ATP2B2: variants seen among roughly 807,000 people sequenced by gnomAD.
ATP2B2 encodes ATPase plasma membrane Ca2+ transporting 2.
ATP2B2 carries 15 observed loss-of-function variants against 120.0 expected under a neutral mutation model. That is an observed-to-expected ratio of 0.12 (90% CI 0.08 to 0.19). The LOEUF (loss-of-function observed/expected upper bound fraction) is 0.19, where lower values mean the gene tolerates loss of function less well. Among genes scored for constraint, ATP2B2 ranks in the 10% least tolerant of loss-of-function variants. The pLI, the probability that ATP2B2 is intolerant of heterozygous loss-of-function variation, is 1.00. For missense variants in ATP2B2, 1,045 were observed against 1,719.8 expected, an observed-to-expected ratio of 0.61 and a Z score of 6.94; for synonymous variants, 694 against 700.3, an observed-to-expected ratio of 0.99 and a Z score of 0.14.
At chr3:10,405,445 T>C (rs944874349) in intron 3 of ATP2B2, among the ~76,000 whole-genome samples, 3 of 152,112 alleles carry the variant, frequency 2.0e-5, no homozygotes, top group African/African-American at 7.2e-5. Flanking sequence ...GGAGTGCAGA[T>C]CGCTGGGGTA....
chr3:10,683,729 T>A (rs1000793960), intron 1 of ATP2B2, among the ~76,000 whole-genome samples: 1 of 136,738 alleles, frequency 7.3e-6, no homozygotes, highest in Non-Finnish European at 1.6e-5. Flanking sequence ...TGTGTGTGTG[T>A]ATATATATGT....
intron 3 of ATP2B2, among the ~76,000 whole-genome samples, chr3:10,517,869 TC>T (rs2066907082): frequency 6.6e-6 from 1 of 152,314 alleles, no homozygotes; most frequent in African/African-American, 2.4e-5. Flanking sequence ...GAGCTTGCTT[TC>T]CCTGTCGTTG....
At chr3:10,416,802 C>A (rs1040534152) in intron 2 of ATP2B2, among the ~76,000 whole-genome samples, 2 of 150,854 alleles carry the variant, frequency 1.3e-5, no homozygotes, top group South Asian at 4.2e-4. Flanking sequence ...ACTTTAATGT[C>A]GAAAATGCAA....
At chr3:10,621,985 TCTGA>T (rs886317796) in intron 1 of ATP2B2, among the ~76,000 whole-genome samples, 4 of 152,248 alleles carry the variant, frequency 2.6e-5, no homozygotes, top group African/African-American at 9.6e-5. Flanking sequence ...TGAGACACCC[TCTGA>T]CTGTTTTGCT....
Position 10,472,192 on chromosome 3 carries a change from G to A in ATP2B2, c.-319-22330C>T, listed in dbSNP as rs146361682. ...GAACTGAAGCCAAGACACAGAGACC[G>A]AAGCAGGAAGATGGGAGCCGGGAGG... is the stretch of plus-strand genomic sequence containing the variant. On this transcript the variant is annotated intron_variant, in intron 1 of 22. Transcript: ENST00000360273. 7.2e-5 allele frequency among the ~76,000 whole-genome samples: 11 copies of A among 152,252 alleles called. No homozygotes were observed. In the East Asian group the frequency reaches 1.7e-3, roughly 24 times the overall value.
intron 2 of ATP2B2, among the ~76,000 whole-genome samples, chr3:10,614,559 T>C (rs1481820197): frequency 1.3e-5 from 2 of 152,164 alleles, no homozygotes; most frequent in African/African-American, 4.8e-5. Context: ...ATACATTGAA[T>C]TGCAGTCTCG....
At chr3:10,508,369 C>T (rs976503028), upstream of ATP2B2, among the ~76,000 whole-genome samples, 2 of 152,198 alleles carry the variant, frequency 1.3e-5, no homozygotes, top group Non-Finnish European at 2.9e-5. Context: ...CTCTGTTCTA[C>T]CTCTGACCAC....
At chr3:10,510,899 C>G (rs983694337) in intron 3 of ATP2B2, among the ~76,000 whole-genome samples, 1 of 152,164 alleles carries the variant, frequency 6.6e-6, no homozygotes. Context: ...ACTGTCCTCC[C>G]CCCTCCTCCC....
At chr3:10,523,596 C>T (rs1257238003) in intron 3 of ATP2B2, among the ~76,000 whole-genome samples, 2 of 152,202 alleles carry the variant, frequency 1.3e-5, no homozygotes, top group Non-Finnish European at 2.9e-5. Context: ...TTATATGCAG[C>T]AGCACCTCTG....
intron 2 of ATP2B2, among the ~76,000 whole-genome samples, chr3:10,429,939 A>G (rs1396232407): frequency 6.6e-6 from 1 of 152,246 alleles, no homozygotes; most frequent in Admixed American, 6.5e-5. Flanking sequence ...CTTAAGCCAA[A>G]GCCTAATCCA....
intron 1 of ATP2B2, among the ~76,000 whole-genome samples, chr3:10,670,709 C>T (rs534345542): frequency 6.6e-5 from 10 of 152,316 alleles, no homozygotes; most frequent in African/African-American, 2.4e-4. Flanking sequence ...GTGTGAGCCA[C>T]GGGGCCCGGC....
upstream of ATP2B2, among the ~76,000 whole-genome samples, chr3:10,507,448 G>C (rs2066666102): frequency 6.6e-6 from 1 of 152,098 alleles, no homozygotes; most frequent in Non-Finnish European, 1.5e-5. Context: ...CCTTCCCCAA[G>C]GCCCACAGGC....
rs769291709 is a variant in ATP2B2, at chr3:10,635,240, T to A, written c.-459-15279A>T. ...TCCATGGCATCTCTCAATTTGGGGA[T>A]GTTGGCAACTAATTCCAGTTTAAAA... On this transcript the variant is annotated intron_variant, in intron 1 of 21. Transcript: ENST00000646379. The surrounding 1 kb of genome is among the most constrained non-coding windows in gnomAD (Gnocchi z 4.3). 6.6e-6 allele frequency among the ~76,000 whole-genome samples: 1 copy of A among 152,196 alleles called. No homozygotes were observed. Among genetic ancestry groups the A allele is most frequent in the African/African-American group, 2.4e-5 (1 of 41,454 alleles).
intron 1 of ATP2B2, among the ~76,000 whole-genome samples, chr3:10,669,005 T>TG: frequency 6.6e-6 from 1 of 152,130 alleles, no homozygotes; most frequent in African/African-American, 2.4e-5. Context: ...GGCTTGCAAA[T>TG]GGTAGAACAA....
chr3:10,341,603 A>G (rs372896658), intron 19 of ATP2B2, among the ~76,000 whole-genome samples: 2 of 152,116 alleles, frequency 1.3e-5, no homozygotes, highest in African/African-American at 2.4e-5. Context: ...GAGCCACTGC[A>G]CCTGGCCAAG....
At chr3:10,364,616 C>A (rs768423590) in intron 12 of ATP2B2, among the ~76,000 whole-genome samples, 24 of 151,958 alleles carry the variant, frequency 1.6e-4, no homozygotes, top group Admixed American at 2.6e-4. Context: ...GAAGCTGAGG[C>A]AGGAGAATCA....
chr3:10,462,390 C>T (rs1023452175), intron 1 of ATP2B2, among the ~76,000 whole-genome samples: 2 of 152,184 alleles, frequency 1.3e-5, no homozygotes, highest in Non-Finnish European at 2.9e-5. Context: ...CTCTTCCTCC[C>T]CTCCCCAGGC....
At chr3:10,463,660 C>T (rs539577425) in intron 1 of ATP2B2, among the ~76,000 whole-genome samples, 2 of 152,208 alleles carry the variant, frequency 1.3e-5, no homozygotes, top group Non-Finnish European at 2.9e-5. Flanking sequence ...TACACAGTGG[C>T]CCCTCAGGCA....
At chr3:10,636,177 C>A (rs2070016549) in intron 1 of ATP2B2, among the ~76,000 whole-genome samples, 1 of 152,220 alleles carries the variant, frequency 6.6e-6, no homozygotes. Context: ...ATTCTCCCAG[C>A]ATCAACTCCC....
Sources: allele counts gnomAD v4.1 joint callset (sites outside exome capture counted in the v4.1 genomes callset), GRCh38; gene constraint gnomAD v4.1.1; non-coding constraint Gnocchi (gnomAD v3.1); transcripts MANE v1.5; gene names NCBI Gene and HGNC (gene_info 2026-07-23, HGNC 2026-07-21).